ATP2B2: variants seen among roughly 807,000 people sequenced by gnomAD.
ATP2B2 encodes plasma membrane calcium-transporting ATPase 2.
ATP2B2 carries 15 observed loss-of-function variants against 120.0 expected under a neutral mutation model. The observed-to-expected ratio is 0.12, with a 90% CI of 0.08 to 0.19. The LOEUF (loss-of-function observed/expected upper bound fraction) is 0.19, where lower values mean the gene tolerates loss of function less well. ATP2B2 is among the 10% of genes least tolerant of loss of function. ATP2B2 has a pLI of 1.00. For missense variants in ATP2B2, 1,045 were observed against 1,719.8 expected, an observed-to-expected ratio of 0.61 and a Z score of 6.94; for synonymous variants, 694 against 700.3, an observed-to-expected ratio of 0.99 and a Z score of 0.14.
rs762163403 is a variant in ATP2B2 at position 10,576,185 on chromosome 3, G to A, written c.-414-42052C>T. On this transcript the variant is annotated intron_variant, in intron 2 of 21. Coordinates refer to the ATP2B2 transcript ENST00000646379. ...AGATGCCTTAGCCCCTGTGCTGACT[G>A]CCCCCGTGGATGGACCTGGCACCAG... Among the ~76,000 whole-genome samples, 12 of 152,164 alleles carry A rather than the reference G, an allele frequency of 7.9e-5. 1 individual carries two copies. Among genetic ancestry groups the A allele is most frequent in the Non-Finnish European group, 1.8e-4 (12 of 68,032 alleles).
intron 2 of ATP2B2, among the ~76,000 whole-genome samples, chr3:10,607,910 G>A (rs1272631434): frequency 1.3e-5 from 2 of 152,208 alleles, no homozygotes; most frequent in Non-Finnish European, 2.9e-5. Flanking sequence ...AGGTCCCAGT[G>A]TGACCAGATT....
At position 10,402,054 on chromosome 3, in the gene ATP2B2, C is replaced by T. The variant is rs1164101144; in HGVS notation, c.655+37G>A. 8 of 1,610,644 alleles carry T rather than the reference C, an allele frequency of 5.0e-6. No individual in the cohort carries two copies. Among genetic ancestry groups the T allele is most frequent in the Non-Finnish European group, 5.9e-6 (7 of 1,180,004 alleles). ...GGCCTGTCCCACCTCTGCCGGAATC[C>T]AGCTTTAGAACCTGGCTCTGTGGCT... On this transcript the variant is annotated intron_variant, in intron 4 of 22. Transcript: ENST00000360273. This position sits in a 1 kb window ranked among gnomAD's most constrained non-coding sequence, Gnocchi z 4.9.
chr3:10,386,380 C>A, intron 7 of ATP2B2, 100 bp downstream of exon 7: 1 of 1,364,934 alleles, frequency 7.3e-7, no homozygotes, highest in East Asian at 2.3e-5. Context: ...GGCATGTGGC[C>A]TCCTCCAGCT....
chr3:10,623,013 G>A (rs2069592885), intron 1 of ATP2B2, among the ~76,000 whole-genome samples: 1 of 148,930 alleles, frequency 6.7e-6, no homozygotes, highest in Admixed American at 6.7e-5. Context: ...AGGAAAGGAT[G>A]TATGGAAAAC....
intron 2 of ATP2B2, among the ~76,000 whole-genome samples, chr3:10,415,975 C>G (rs980857390): frequency 2.6e-5 from 4 of 152,190 alleles, no homozygotes; most frequent in African/African-American, 9.7e-5. Flanking sequence ...GCCAGTTTCA[C>G]CCCTCGGAGA....
chr3:10,354,546 C>G (rs913397092), intron 14 of ATP2B2, among the ~76,000 whole-genome samples: 1 of 152,174 alleles, frequency 6.6e-6, no homozygotes, highest in African/African-American at 2.4e-5. Flanking sequence ...CAAACACCCC[C>G]GGATAACCCG....
rs1306018888 is a variant in ATP2B2, at chr3:10,445,209, T to C, written c.199+4136A>G. Among the ~76,000 whole-genome samples, 4 of 152,370 alleles carry C rather than the reference T, an allele frequency of 2.6e-5. No individual in the cohort carries two copies. The East Asian group carries it at 7.7e-4, about 29-fold the overall frequency. On this transcript the variant is annotated intron_variant, in intron 2 of 22. Coordinates refer to ENST00000360273, the MANE Select transcript of ATP2B2 (RefSeq NM_001001331.4). Reference sequence around the variant, plus strand: ...CTGCCTTGCACAGTGGCTTATCTAATTTAATCCTCACACCATTTGCATGAG... The same window carrying C: ...CTGCCTTGCACAGTGGCTTATCTAACTTAATCCTCACACCATTTGCATGAG...
chr3:10,421,989 C>T (rs2062996571), intron 2 of ATP2B2, among the ~76,000 whole-genome samples: 1 of 152,216 alleles, frequency 6.6e-6, no homozygotes, highest in African/African-American at 2.4e-5. Flanking sequence ...TATTCACTAA[C>T]ACACATTTAC....
At chr3:10,474,878 G>A (rs1228563239) in intron 1 of ATP2B2, among the ~76,000 whole-genome samples, 2 of 152,258 alleles carry the variant, frequency 1.3e-5, no homozygotes, top group Non-Finnish European at 2.9e-5. Flanking sequence ...CTTTCTGGGA[G>A]CCCCTTGTGG....
intron 19 of ATP2B2, among the ~76,000 whole-genome samples, chr3:10,341,983 C>T (rs1014416965): frequency 6.6e-6 from 1 of 152,262 alleles, no homozygotes; most frequent in Non-Finnish European, 1.5e-5. Flanking sequence ...CCGGGAGGCT[C>T]CTGTAAGGAG....
At chr3:10,690,415 A>C (rs1335957934) in intron 1 of ATP2B2, among the ~76,000 whole-genome samples, 1 of 151,386 alleles carries the variant, frequency 6.6e-6, no homozygotes, top group Non-Finnish European at 1.5e-5. Context: ...ATAGAAAAAA[A>C]CAGAATATCT....
chr3:10,579,717 G>C (rs1246581271), intron 2 of ATP2B2, among the ~76,000 whole-genome samples: 2 of 152,182 alleles, frequency 1.3e-5, no homozygotes, highest in Non-Finnish European at 2.9e-5. Flanking sequence ...GGCTGAGGTA[G>C]GAGAATCACT....
intron 12 of ATP2B2, 113 bp downstream of exon 12, chr3:10,371,696 A>G: frequency 6.5e-7 from 1 of 1,530,778 alleles, no homozygotes; most frequent in Non-Finnish European, 8.9e-7. Flanking sequence ...GACCATACCA[A>G]AATATATTAG....
intron 3 of ATP2B2, among the ~76,000 whole-genome samples, chr3:10,403,042 G>A (rs1383388418): frequency 1.3e-5 from 2 of 152,186 alleles, no homozygotes; most frequent in African/African-American, 4.8e-5. Flanking sequence ...CATTGCCCAG[G>A]CAGGTTGGGA....
intron 2 of ATP2B2, among the ~76,000 whole-genome samples, chr3:10,590,036 C>T (rs970720851): frequency 3.9e-5 from 6 of 152,280 alleles, no homozygotes; most frequent in Admixed American, 6.5e-5. Flanking sequence ...TCTCAATGGA[C>T]GATGAGATGA....
chr3:10,450,973 A>ATCCT (rs2064024500), intron 1 of ATP2B2, among the ~76,000 whole-genome samples: 1 of 152,040 alleles, frequency 6.6e-6, no homozygotes, highest in Non-Finnish European at 1.5e-5. Context: ...CAGGACGGTG[A>ATCCT]GGGGAAGGGC....
At chr3:10,365,771 G>A (rs528882434) in intron 12 of ATP2B2, among the ~76,000 whole-genome samples, 26 of 63,304 alleles carry the variant, frequency 4.1e-4, no homozygotes, top group African/African-American at 1.5e-3. Context: ...GTTGTGCGCT[G>A]TATGTGTATG....
chr3:10,618,714 C>T (rs1006575581), intron 2 of ATP2B2, among the ~76,000 whole-genome samples: 1 of 152,154 alleles, frequency 6.6e-6, no homozygotes, highest in African/African-American at 2.4e-5. Flanking sequence ...TACTACAACA[C>T]ACTTGTATGC....
At chr3:10,337,867 G>A (rs1233301305) in intron 22 of ATP2B2, among the ~76,000 whole-genome samples, 2 of 152,106 alleles carry the variant, frequency 1.3e-5, no homozygotes, top group Non-Finnish European at 2.9e-5. Context: ...ACTCACCTCT[G>A]CCCTCAGAGC....
Sources: gnomAD v4.1 joint callset for allele counts (sites outside exome capture counted in the v4.1 genomes callset) on GRCh38, gnomAD v4.1.1 for gene constraint, Gnocchi (gnomAD v3.1) non-coding constraint, MANE v1.5 for transcripts, NCBI Gene and HGNC (gene_info 2026-07-23, HGNC 2026-07-21) for gene names.